The following PDE9A variants were observed in gnomAD, a reference collection of about 807,000 sequenced individuals.
The protein encoded by PDE9A is phosphodiesterase 9A, also known as high affinity cGMP-specific 3',5'-cyclic phosphodiesterase 9A.
PDE9A carries 60 observed loss-of-function variants against 87.4 expected under a neutral mutation model. The observed-to-expected ratio is 0.69, with a 90% confidence interval of 0.56 to 0.85. The LOEUF is 0.85. PDE9A is among the 40% of genes least tolerant of loss of function. The pLI is 0.00. For missense variants in PDE9A, 665 were observed against 779.0 expected, an observed-to-expected ratio of 0.85 and a Z score of 1.74; for synonymous variants, 272 against 279.4, an observed-to-expected ratio of 0.97 and a Z score of 0.27.
intron 1 of PDE9A, among the ~76,000 whole-genome samples, chr21:42,670,151 T>C (rs1005167251): frequency 7.0e-6 from 1 of 143,288 alleles, no homozygotes; most frequent in African/African-American, 2.5e-5. Context: ...ACACACACAT[T>C]CACACGCACA....
chr21:42,690,370 A>T (rs1033873977), intron 3 of PDE9A, among the ~76,000 whole-genome samples: 5 of 152,072 alleles, frequency 3.3e-5, no homozygotes, highest in Non-Finnish European at 7.4e-5. Flanking sequence ...GGATCTAGAC[A>T]GCGATGTGGA....
chr21:42,753,948 GC>G, intron 9 of PDE9A, 41 bp from the exon 10 acceptor site: 3 of 1,085,488 alleles, frequency 2.8e-6, no homozygotes, highest in Non-Finnish European at 2.8e-6. Context: ...ACTGTCACAG[GC>G]CCACGGCGCC....
At chr21:42,685,325 C>T (rs983807381) in intron 1 of PDE9A, among the ~76,000 whole-genome samples, 1 of 152,252 alleles carries the variant, frequency 6.6e-6, no homozygotes, top group Non-Finnish European at 1.5e-5. Flanking sequence ...GCGGCCATCC[C>T]GCGCGTAGGT....
intron 7 of PDE9A, among the ~76,000 whole-genome samples, chr21:42,737,463 T>A (rs2052577956): frequency 6.6e-6 from 1 of 152,204 alleles, no homozygotes; most frequent in South Asian, 2.1e-4. Context: ...TCTTGTCTTG[T>A]TTTTGTTGTT....
At chr21:42,687,026 G>A (rs894302092) in intron 2 of PDE9A, among the ~76,000 whole-genome samples, 1 of 152,160 alleles carries the variant, frequency 6.6e-6, no homozygotes, top group Non-Finnish European at 1.5e-5. Context: ...CTGCCTTATC[G>A]AGTCCTCAGA....
At chr21:42,681,478 CAT>C (rs1281770258) in intron 1 of PDE9A, among the ~76,000 whole-genome samples, 14 of 152,204 alleles carry the variant, frequency 9.2e-5, no homozygotes, top group Non-Finnish European at 2.1e-4. Flanking sequence ...CGTGTGTAAA[CAT>C]CTTAGACTAG....
chr21:42,718,876 T>C (rs1399066579), intron 4 of PDE9A, among the ~76,000 whole-genome samples: 1 of 151,770 alleles, frequency 6.6e-6, no homozygotes, highest in African/African-American at 2.4e-5. Flanking sequence ...AGGAGAGACA[T>C]TGGATTTTGT....
intron 1 of PDE9A, among the ~76,000 whole-genome samples, chr21:42,668,898 A>ACCACCCCCCCC (rs780490567): frequency 1.9e-5 from 2 of 104,774 alleles, no homozygotes. Context: ...TGCTCCCTCC[A>ACCACCCCCCCC]CCCCCCGCCA....
chr21:42,719,632 T>C (rs2050276888), intron 4 of PDE9A, among the ~76,000 whole-genome samples: 1 of 114,806 alleles, frequency 8.7e-6, no homozygotes. Flanking sequence ...AGAGTGAGAG[T>C]CTGTCTCAAA....
At chr21:42,698,416 C>A (rs749661346) in intron 3 of PDE9A, among the ~76,000 whole-genome samples, 4 of 152,150 alleles carry the variant, frequency 2.6e-5, no homozygotes, top group Non-Finnish European at 4.4e-5. Context: ...CAGAGGCTGT[C>A]GTGTGTCAGC....
intron 1 of PDE9A, among the ~76,000 whole-genome samples, chr21:42,663,566 A>C (rs1464900645): frequency 1.3e-5 from 2 of 152,134 alleles, no homozygotes; most frequent in Non-Finnish European, 2.9e-5. Flanking sequence ...CTTGGAGGGT[A>C]TGGGCTGAGC....
chr21:42,660,016 G>A lies in PDE9A; in HGVS notation c.69+6133G>A, dbSNP rs1207866680. On this transcript the variant is annotated intron_variant, in intron 1 of 19. Coordinates refer to ENST00000291539, the MANE Select transcript of PDE9A (RefSeq NM_002606.3). The surrounding 1 kb of genome is among the most constrained non-coding windows in gnomAD (Gnocchi z 4.7). ...GGGGCATAAGCCGGGCAGGGAGGCG[G>A]CAGGAACTGGGCCCCAGGGGGCCAA... Among the ~76,000 whole-genome samples, 7 of 152,226 alleles carry A rather than the reference G, an allele frequency of 4.6e-5. No homozygotes were observed. The highest frequency in any genetic ancestry group is 1.7e-4 in the African/African-American group (7 of 41,464).
chr21:42,658,647 A>G (rs1284558496), intron 1 of PDE9A, among the ~76,000 whole-genome samples: 1 of 152,190 alleles, frequency 6.6e-6, no homozygotes, highest in African/African-American at 2.4e-5. Context: ...CCCCGGCCAC[A>G]CTGACTCCTC....
At chr21:42,738,797 C>T (rs767888806) in intron 7 of PDE9A, among the ~76,000 whole-genome samples, 1 of 152,132 alleles carries the variant, frequency 6.6e-6, no homozygotes, top group South Asian at 2.1e-4. Context: ...GTGATTCTCC[C>T]GCCTCAGCCC....
At chr21:42,669,396 C>T (rs1444920567) in intron 1 of PDE9A, among the ~76,000 whole-genome samples, 2 of 152,210 alleles carry the variant, frequency 1.3e-5, no homozygotes, top group Admixed American at 6.5e-5. Context: ...CTCTCCTTCC[C>T]ACTGAGTTTC....
chr21:42,735,349 T>C (rs749106763), intron 7 of PDE9A, among the ~76,000 whole-genome samples: 7 of 152,236 alleles, frequency 4.6e-5, no homozygotes, highest in Non-Finnish European at 7.3e-5. Flanking sequence ...ACCCAAGGTC[T>C]AGCTGCAAGG....
chr21:42,732,126 T>C lies in PDE9A; in HGVS notation c.497+2T>C. On this transcript the variant is annotated splice_donor_variant, in intron 6 of 19. Transcript: ENST00000291539. LOFTEE classifies it high-confidence loss of function. Reference sequence around the variant, plus strand: ...GCAGGTTGCAGAGCAGTTCTCAAGGTACAGAGTCTTCTAAACTTACAACCA... The same window carrying C: ...GCAGGTTGCAGAGCAGTTCTCAAGGCACAGAGTCTTCTAAACTTACAACCA... 1 of 1,613,488 alleles carries C rather than the reference T, an allele frequency of 6.2e-7. No homozygotes were observed.
chr21:42,741,379 C>G (rs1025709510), intron 7 of PDE9A: 1 of 152,212 alleles, frequency 6.6e-6, no homozygotes, highest in Non-Finnish European at 1.5e-5. Flanking sequence ...AACGGAGACC[C>G]GGCTCCAAAG....
intron 1 of PDE9A, among the ~76,000 whole-genome samples, chr21:42,681,164 T>C (rs1383436382): frequency 6.6e-6 from 1 of 152,216 alleles, no homozygotes; most frequent in Admixed American, 6.5e-5. Context: ...TCAACCCTAT[T>C]TACAGAATGG....
Sources: allele counts gnomAD v4.1 joint callset (sites outside exome capture counted in the v4.1 genomes callset), GRCh38; gene constraint gnomAD v4.1.1; non-coding constraint Gnocchi (gnomAD v3.1); transcripts MANE v1.5; gene names NCBI Gene and HGNC (gene_info 2026-07-23, HGNC 2026-07-21).